Variants in FAM241A observed in about 807,000 individuals in gnomAD.
FAM241A encodes the protein uncharacterized protein FAM241A.
In FAM241A, 7 loss-of-function variants were observed where a neutral mutation model predicts 12.2. The ratio of observed to expected loss-of-function variants is 0.58; its 90% CI spans 0.33 to 1.08. The LOEUF (loss-of-function observed/expected upper bound fraction) is 1.08. Among genes scored for constraint, FAM241A ranks in the 50% least tolerant of loss-of-function variants. The pLI is 0.04. For missense variants in FAM241A, 161 were observed against 169.7 expected (o/e 0.95, Z 0.29); for synonymous variants, 74 against 68.2 (o/e 1.08, Z -0.42).
At chr4:112,171,268 A>G (rs1723713241) in intron 1 of FAM241A, 2 of 752,476 alleles carry the variant, frequency 2.7e-6, no homozygotes, top group Admixed American at 1.7e-5. Context: ...TGTGGCAAGC[A>G]CCAACCCCAC....
chr4:112,162,989 C>T (rs979672786), intron 1 of FAM241A, among the ~76,000 whole-genome samples: 1 of 152,124 alleles, frequency 6.6e-6, no homozygotes, highest in African/African-American at 2.4e-5. Context: ...GAACAGAGCC[C>T]TCAGAAATAA....
At position 112,186,958 on chromosome 4, in the gene FAM241A, G is replaced by T. The variant is rs761042195; in HGVS notation, c.*20G>T. 2 of 1,602,892 alleles carry T rather than the reference G, an allele frequency of 1.2e-6. No homozygotes were observed. The highest frequency in any genetic ancestry group is 1.7e-6 in the Non-Finnish European group (2 of 1,173,306). ...CAGTAAAACATGGCCGAATTGAATT[G>T]TTTGACATTTGGTAGCCATATATGT... On this transcript the variant is annotated 3_prime_UTR_variant, in exon 2 of 2. Coordinates refer to ENST00000309733, the MANE Select transcript of FAM241A (RefSeq NM_152400.3).
chr4:112,174,693 G>A (rs906758279), intron 1 of FAM241A, among the ~76,000 whole-genome samples: 7 of 152,132 alleles, frequency 4.6e-5, no homozygotes, highest in African/African-American at 7.2e-5. Context: ...GTGAGAATTC[G>A]AGAAAGCAGG....
chr4:112,145,669 G>T lies in FAM241A; in HGVS notation c.89G>T (p.Gly30Val). ...GCGCTGGCGGAGCGGGAGGCGGCAG[G>T]GACCGGGTGGGATCCCGGGGCGAGC... is the stretch of plus-strand genomic sequence containing the variant. ...GDALAEREAA[G>V]TGWDPGASPR... The change falls in exon 1 of 2, where the codon GGG becomes GTG. Residue 30 changes from glycine to valine, a missense_variant. By Grantham distance (109) the Gly-to-Val change is moderately radical. Transcript: ENST00000309733. The T allele has an allele frequency of 1.6e-6, 2 of 1,214,876 alleles. No homozygotes were observed. The highest frequency in any genetic ancestry group is 3.1e-5 in the African/African-American group (2 of 63,652). The allele number at this position is 1,214,876 out of a possible 1,614,324, so 75.3% of individuals were successfully genotyped here.
chr4:112,147,443 A>G (rs1357062289), intron 1 of FAM241A, among the ~76,000 whole-genome samples: 2 of 152,246 alleles, frequency 1.3e-5, no homozygotes, highest in African/African-American at 2.4e-5. Flanking sequence ...AGACAAAAAT[A>G]AGCAAAAAAT....
chr4:112,154,666 AT>A (rs1458743580), intron 1 of FAM241A, among the ~76,000 whole-genome samples: 1 of 151,718 alleles, frequency 6.6e-6, no homozygotes, highest in Admixed American at 6.6e-5. Flanking sequence ...GAGATTTCAT[AT>A]TTTTTTTTAA....
rs1245204820 is a variant in FAM241A at position 112,193,490 on chromosome 4, G to A, written c.*6552G>A. On this transcript the variant is annotated 3_prime_UTR_variant, in exon 2 of 2. Transcript: ENST00000309733. ...GTTTTTATGGTTTTAGGTCTGACAT[G>A]TAAGTCTTTAATCCATCTTGAAATA... 1 of 152,168 alleles carries A rather than the reference G, an allele frequency of 6.6e-6. No homozygotes were observed. Among genetic ancestry groups the A allele is most frequent in the African/African-American group, 2.4e-5 (1 of 41,428 alleles). The allele number at this position is 152,168 out of a possible 1,614,324, so 9.4% of individuals were successfully genotyped here.
intron 1 of FAM241A, among the ~76,000 whole-genome samples, chr4:112,163,905 A>G (rs1723535440): frequency 6.6e-6 from 1 of 152,242 alleles, no homozygotes; most frequent in Admixed American, 6.5e-5. Context: ...AAAATGTGGC[A>G]CATGTACACC....
intron 1 of FAM241A, among the ~76,000 whole-genome samples, chr4:112,150,819 C>A (rs538289752): frequency 6.6e-6 from 1 of 152,296 alleles, no homozygotes; most frequent in Admixed American, 6.5e-5. Context: ...ATAATTGTAA[C>A]AACTTCATAG....
intron 1 of FAM241A, among the ~76,000 whole-genome samples, chr4:112,166,262 T>C (rs1723593134): frequency 6.6e-6 from 1 of 151,878 alleles, no homozygotes; most frequent in Non-Finnish European, 1.5e-5. Context: ...TTCACAGTGT[T>C]AGCAAGTATG....
intron 1 of FAM241A, among the ~76,000 whole-genome samples, chr4:112,175,717 G>A (rs1022582861): frequency 1.9e-4 from 29 of 151,862 alleles, no homozygotes; most frequent in Non-Finnish European, 3.5e-4. Flanking sequence ...GCAGTGAGCC[G>A]AGATCATGCC....
chr4:112,168,651 G>T (rs1384603470), intron 1 of FAM241A, among the ~76,000 whole-genome samples: 3 of 143,960 alleles, frequency 2.1e-5, no homozygotes, highest in South Asian at 4.4e-4. Context: ...AAGAAGGATG[G>T]TTCCTATATT....
intron 1 of FAM241A, among the ~76,000 whole-genome samples, chr4:112,179,914 G>GACATACATATATATATATAT (rs1479640205): frequency 1.7e-5 from 2 of 117,764 alleles, no homozygotes. Flanking sequence ...AAGAAAATGT[G>GACATACATATATATATATAT]ATATATATAT....
intron 1 of FAM241A, among the ~76,000 whole-genome samples, chr4:112,152,411 C>CT (rs1164809586): frequency 6.6e-6 from 1 of 152,166 alleles, no homozygotes; most frequent in African/African-American, 2.4e-5. Context: ...GGTTACAGTC[C>CT]TTTGAGTTGT....
At chr4:112,151,397 C>T (rs1274559609) in intron 1 of FAM241A, among the ~76,000 whole-genome samples, 1 of 152,170 alleles carries the variant, frequency 6.6e-6, no homozygotes, top group African/African-American at 2.4e-5. Context: ...CCAAATAAAC[C>T]TCTCTTCTTT....
chr4:112,184,268 G>A (rs571710366), intron 1 of FAM241A, among the ~76,000 whole-genome samples: 30 of 152,262 alleles, frequency 2.0e-4, no homozygotes, highest in Non-Finnish European at 3.8e-4. Context: ...AGTGGCTCAC[G>A]CTGGTAATTC....
At chr4:112,145,836 C>T (rs889312310) in intron 1 of FAM241A, 103 bp downstream of exon 1, 71 of 718,172 alleles carry the variant, frequency 9.9e-5, no homozygotes, top group Non-Finnish European at 1.1e-4. Context: ...CGCCGCAGCT[C>T]TGCCCCGCGT....
chr4:112,173,269 T>G (rs1020331838), intron 1 of FAM241A, among the ~76,000 whole-genome samples: 1 of 152,328 alleles, frequency 6.6e-6, no homozygotes, highest in Admixed American at 6.5e-5. Flanking sequence ...CTTTTTATAT[T>G]TCTACATTTT....
chr4:112,151,050 C>T (rs1026848102), intron 1 of FAM241A, among the ~76,000 whole-genome samples: 2 of 152,118 alleles, frequency 1.3e-5, no homozygotes, highest in East Asian at 1.9e-4. Context: ...ATAGTTTGGG[C>T]GTTTGTTGCC....
Sources: gnomAD v4.1 joint callset for allele counts (sites outside exome capture counted in the v4.1 genomes callset) on GRCh38, gnomAD v4.1.1 for gene constraint, MANE v1.5 for transcripts, NCBI Gene and HGNC (gene_info 2026-07-23, HGNC 2026-07-21) for gene names.